Variants in PAX5 observed in about 807,000 individuals in gnomAD.
The protein encoded by PAX5 is paired box 5, also known as paired box protein Pax-5.
PAX5 carries 9 observed loss-of-function variants against 43.7 expected under a neutral mutation model. The observed-to-expected ratio is 0.21, with a 90% CI of 0.12 to 0.36. PAX5 has a LOEUF of 0.36. PAX5 is among the 10% of genes least tolerant of loss of function. The probability of loss-of-function intolerance (pLI) is 1.00; values close to 1 mark genes in which losing one functional copy is unlikely to be tolerated. For synonymous variants in PAX5, 228 were observed against 214.3 expected, an observed-to-expected ratio of 1.06 and a Z score of -0.56; for missense variants, 383 against 532.7, an observed-to-expected ratio of 0.72 and a Z score of 2.77.
At chr9:36,938,123 T>A (rs1301678206) in intron 6 of PAX5, among the ~76,000 whole-genome samples, 1 of 152,214 alleles carries the variant, frequency 6.6e-6, no homozygotes, top group Non-Finnish European at 1.5e-5. Flanking sequence ...GCAACGGTGG[T>A]GTTTCTGCTT....
At chr9:36,907,036 C>G (rs1161055323) in intron 7 of PAX5, among the ~76,000 whole-genome samples, 1 of 152,066 alleles carries the variant, frequency 6.6e-6, no homozygotes, top group Non-Finnish European at 1.5e-5. Flanking sequence ...GGGCGCCAGC[C>G]TCTCTGTGCT....
chr9:36,893,735 T>C (rs1827609832), intron 7 of PAX5, among the ~76,000 whole-genome samples: 1 of 152,224 alleles, frequency 6.6e-6, no homozygotes, highest in Non-Finnish European at 1.5e-5. Flanking sequence ...CAAGCCGCGA[T>C]AGTCTGGGGT....
chr9:37,011,128 CAAA>C (rs1225031293), intron 3 of PAX5, among the ~76,000 whole-genome samples: 9 of 100,976 alleles, frequency 8.9e-5, no homozygotes, highest in Admixed American at 4.3e-4. Flanking sequence ...CTCAAAAAAA[CAAA>C]AAAAAAAAAA....
In PAX5 at chr9:36,835,594, C is replaced by CCGTGGGCTAGGAGT. The variant is rs1442108158; in HGVS notation, c.*4952_*4965dup. 2 of 233,230 alleles carry CCGTGGGCTAGGAGT rather than the reference C, an allele frequency of 8.6e-6. No individual in the cohort carries two copies. Among genetic ancestry groups the CCGTGGGCTAGGAGT allele is most frequent in the Non-Finnish European group, 1.7e-5 (2 of 118,078 alleles). 14.4% of individuals were successfully genotyped at this position (233,230 alleles called of 1,614,324 possible). A position where few individuals can be genotyped will look rare whatever the true frequency, so the allele number is the denominator to read the frequency against. On this transcript the variant is annotated 3_prime_UTR_variant, in exon 10 of 10. Coordinates refer to ENST00000358127, the MANE Select transcript of PAX5 (RefSeq NM_016734.3). The stretch of plus-strand genomic sequence containing the variant: ...AGGGGCTGCTGGGAGGTGGGGCACG[C>CCGTGGGCTAGGAGT]CGTGGGCTAGGAGTCGTGGCCTGAC...
chr9:36,949,009 G>A (rs1024693890), intron 6 of PAX5, among the ~76,000 whole-genome samples: 3 of 152,128 alleles, frequency 2.0e-5, no homozygotes, highest in African/African-American at 7.2e-5. Flanking sequence ...GTCAAACTTT[G>A]TTTAATCAGT....
At chr9:36,926,605 T>C (rs1217721023) in intron 6 of PAX5, among the ~76,000 whole-genome samples, 1 of 152,236 alleles carries the variant, frequency 6.6e-6, no homozygotes, top group Non-Finnish European at 1.5e-5. Context: ...AAGCAACTCC[T>C]TCAGTTCATT....
intron 7 of PAX5, among the ~76,000 whole-genome samples, chr9:36,884,799 G>C (rs1826773769): frequency 6.6e-6 from 1 of 152,218 alleles, no homozygotes; most frequent in Non-Finnish European, 1.5e-5. Context: ...CCAGGTAATG[G>C]ACTGTGTCGA....
intron 8 of PAX5, among the ~76,000 whole-genome samples, chr9:36,866,415 T>C (rs919976647): frequency 6.6e-6 from 1 of 152,178 alleles, no homozygotes. Context: ...CGGCCAGACC[T>C]GGGGAGCCCA....
At chr9:37,018,781 C>G (rs886902777) in intron 2 of PAX5, among the ~76,000 whole-genome samples, 1 of 152,170 alleles carries the variant, frequency 6.6e-6, no homozygotes, top group Admixed American at 6.5e-5. Flanking sequence ...CGGCGCGTAA[C>G]TTCCGAGTGC....
At chr9:37,004,093 A>G (rs1838172062) in intron 4 of PAX5, among the ~76,000 whole-genome samples, 1 of 152,262 alleles carries the variant, frequency 6.6e-6, no homozygotes, top group African/African-American at 2.4e-5. Flanking sequence ...CAGCGGCACC[A>G]GAACTTAGCC....
At chr9:36,994,011 C>G (rs1431857705) in intron 5 of PAX5, among the ~76,000 whole-genome samples, 1 of 152,188 alleles carries the variant, frequency 6.6e-6, no homozygotes, top group African/African-American at 2.4e-5. Flanking sequence ...GGCGTTGGCT[C>G]TCACGGGGGC....
chr9:36,847,859 C>T (rs1031017792), intron 8 of PAX5, among the ~76,000 whole-genome samples: 3 of 152,190 alleles, frequency 2.0e-5, no homozygotes, highest in Middle Eastern at 3.2e-3. Context: ...TCCCTTACCA[C>T]CTTGCTGCCT....
At chr9:36,930,296 T>C (rs1187621210) in intron 6 of PAX5, among the ~76,000 whole-genome samples, 2 of 139,864 alleles carry the variant, frequency 1.4e-5, no homozygotes, top group Non-Finnish European at 3.0e-5. Flanking sequence ...CAATCATGGC[T>C]CACTGCTGCC....
chr9:36,928,299 C>A lies in PAX5; in HGVS notation c.781-4815G>T, dbSNP rs55925442. On this transcript the variant is annotated intron_variant, in intron 6 of 9. Transcript: ENST00000358127. ...ACTGTCCTACCTCCGCCTGGAGGGT[C>A]CCTCTCACTCCGTGACTTAGAGAAC... 0.24 allele frequency among the ~76,000 whole-genome samples: 36,023 copies of A among 152,100 alleles called. 4,978 individuals carry two copies. Among genetic ancestry groups the A allele is most frequent in the Non-Finnish European group, 0.33 (22,478 of 67,908 alleles).
intron 6 of PAX5, among the ~76,000 whole-genome samples, chr9:36,942,751 G>A (rs937820663): frequency 1.3e-5 from 2 of 152,224 alleles, no homozygotes; most frequent in African/African-American, 4.8e-5. Context: ...TTTAACCTAG[G>A]TTATGTAGCT....
rs542608742 is a variant in PAX5, at chr9:36,889,150, A to T, written c.911-7045T>A. ...ACCCTGAACCTGGGCCCCCTTGGTG[A>T]CTGGTCAACCCACAGAGCTCCAGCC... On this transcript the variant is annotated intron_variant, in intron 7 of 9. Transcript: ENST00000358127. Among the ~76,000 whole-genome samples, 9 of 150,542 alleles carry T rather than the reference A, an allele frequency of 6.0e-5. No homozygotes were observed. The East Asian group carries it at 1.6e-3, about 26-fold the overall frequency.
chr9:36,841,527 T>C (rs1369129415), intron 9 of PAX5, among the ~76,000 whole-genome samples: 3 of 152,194 alleles, frequency 2.0e-5, no homozygotes, highest in Non-Finnish European at 2.9e-5. Flanking sequence ...TCTGTCCCTA[T>C]GCTATGGGAA....
At chr9:36,907,029 C>T (rs1025534521) in intron 7 of PAX5, among the ~76,000 whole-genome samples, 1 of 152,124 alleles carries the variant, frequency 6.6e-6, no homozygotes, top group African/African-American at 2.4e-5. Flanking sequence ...CCCCAGTGGG[C>T]GCCAGCCTCT....
intron 8 of PAX5, among the ~76,000 whole-genome samples, chr9:36,857,633 A>C (rs1309716118): frequency 6.6e-6 from 1 of 152,252 alleles, no homozygotes. Flanking sequence ...GTTGTCATTT[A>C]GTGGGTACCG....
Sources: gnomAD v4.1 joint callset for allele counts (sites outside exome capture counted in the v4.1 genomes callset) on GRCh38, gnomAD v4.1.1 for gene constraint, MANE v1.5 for transcripts, NCBI Gene and HGNC (gene_info 2026-07-23, HGNC 2026-07-21) for gene names.